The following PAM variants were observed in gnomAD, a reference collection of about 807,000 sequenced individuals.
The protein encoded by PAM is peptidyl-glycine alpha-amidating monooxygenase.
In PAM, 72 loss-of-function variants were observed where a neutral mutation model predicts 122.1. The ratio of observed to expected loss-of-function variants is 0.59; its 90% confidence interval spans 0.49 to 0.72. The LOEUF (loss-of-function observed/expected upper bound fraction) is 0.72. PAM is among the 30% of genes least tolerant of loss of function. The pLI is 0.00. For missense variants in PAM, 1,106 were observed against 1,183.7 expected (o/e 0.93, Z 0.96); for synonymous variants, 389 against 404.4 (o/e 0.96, Z 0.46).
At chr5:102,885,694 G>A (rs1366012830) in intron 3 of PAM, among the ~76,000 whole-genome samples, 1 of 151,968 alleles carries the variant, frequency 6.6e-6, no homozygotes, top group African/African-American at 2.4e-5. Context: ...TTATAGTCAA[G>A]AGCAAAAAAT....
intron 14 of PAM, among the ~76,000 whole-genome samples, chr5:102,962,469 T>A (rs1762777989): frequency 1.3e-5 from 2 of 151,882 alleles, no homozygotes; most frequent in Non-Finnish European, 2.9e-5. Flanking sequence ...CAAATGCTAT[T>A]TGAAATGTAT....
intron 1 of PAM, among the ~76,000 whole-genome samples, chr5:102,761,081 G>A (rs1752205037): frequency 6.6e-6 from 1 of 152,210 alleles, no homozygotes; most frequent in Non-Finnish European, 1.5e-5. Context: ...AGCCAGTCCA[G>A]CAGCACCTCG....
intron 1 of PAM, among the ~76,000 whole-genome samples, chr5:102,785,725 T>C (rs977042987): frequency 2.0e-5 from 3 of 152,226 alleles, no homozygotes; most frequent in Middle Eastern, 3.4e-3. Flanking sequence ...GGGGAAACCA[T>C]AAAAGTATTG....
chr5:102,980,012 A>G (rs1030378577), intron 15 of PAM, among the ~76,000 whole-genome samples: 5 of 152,074 alleles, frequency 3.3e-5, no homozygotes, highest in African/African-American at 9.7e-5. Flanking sequence ...AACAAAAACA[A>G]ATTTGTATCA....
chr5:102,758,068 ATTTTGTTTTTTTTTTTTTT>A (rs557589208), intron 1 of PAM, among the ~76,000 whole-genome samples: 32,982 of 86,958 alleles, frequency 0.38, 4,531 homozygotes, highest in Non-Finnish European at 0.45. Context: ...AAGACTTAGA[ATTTTGTTTTTTTTTTTTTT>A]TTTTTTTTTT....
At chr5:103,003,936 C>A (rs562037776) in intron 17 of PAM, among the ~76,000 whole-genome samples, 2 of 150,998 alleles carry the variant, frequency 1.3e-5, no homozygotes, top group African/African-American at 4.9e-5. Flanking sequence ...AGTCTTATTT[C>A]GAGATGGCAC....
chr5:102,976,616 T>G (rs1345293665), intron 15 of PAM, among the ~76,000 whole-genome samples: 2 of 152,192 alleles, frequency 1.3e-5, no homozygotes, highest in African/African-American at 4.8e-5. Flanking sequence ...GTGCCTAATT[T>G]ACTATAAGGA....
chr5:103,025,208 A>G lies in PAM; in HGVS notation c.2563A>G (p.Lys855Glu). 2 of 1,613,828 alleles carry G rather than the reference A, an allele frequency of 1.2e-6. No homozygotes were observed. The highest frequency in any genetic ancestry group is 4.5e-5 in the East Asian group (2 of 44,884). ...ATTGCAGAAGATGCAAGAGAAACAG[A>G]AACTGATCAAAGAGCCAGGCTCGGG... ...SELQKMQEKQ[K>E]LIKEPGSGVP... The change falls in exon 24 of 26, where the codon AAA (lysine) becomes GAA (glutamate). Residue 855 changes from lysine (K) to glutamate (E), a missense_variant. By Grantham distance (56) the Lys-to-Glu change is moderately conservative. This residue lies in a region of PAM where 333 missense variants were observed against 335.6 expected (regional missense o/e 0.99). Transcript: ENST00000438793.
intron 13 of PAM, among the ~76,000 whole-genome samples, 161 bp downstream of exon 13, chr5:102,960,220 A>G (rs1181282589): frequency 1.3e-5 from 2 of 151,864 alleles, no homozygotes; most frequent in Middle Eastern, 3.4e-3. Context: ...TTCATATCCT[A>G]TCTCCCCTCC....
chr5:102,776,226 T>G (rs1757151805), intron 1 of PAM, among the ~76,000 whole-genome samples: 1 of 152,184 alleles, frequency 6.6e-6, no homozygotes, highest in Non-Finnish European at 1.5e-5. Context: ...TTGTAGATTC[T>G]GGGTATCAAG....
chr5:102,777,925 A>T (rs568162254), intron 1 of PAM, among the ~76,000 whole-genome samples: 2 of 152,272 alleles, frequency 1.3e-5, no homozygotes, highest in East Asian at 3.9e-4. Flanking sequence ...TTCTTCTGTG[A>T]TGCTGTAAAT....
intron 1 of PAM, among the ~76,000 whole-genome samples, chr5:102,802,261 A>G (rs1272700617): frequency 1.3e-5 from 2 of 152,220 alleles, no homozygotes; most frequent in African/African-American, 2.4e-5. Flanking sequence ...GCCATCATGT[A>G]TAATTCCTTT....
chr5:102,995,132 G>A (rs188780460), intron 16 of PAM, among the ~76,000 whole-genome samples: 1 of 152,214 alleles, frequency 6.6e-6, no homozygotes, highest in African/African-American at 2.4e-5. Context: ...ATCTGCCTGG[G>A]TTATGCTTCA....
intron 1 of PAM, among the ~76,000 whole-genome samples, chr5:102,796,898 C>A (rs1763512511): frequency 6.6e-6 from 1 of 152,154 alleles, no homozygotes; most frequent in South Asian, 2.1e-4. Context: ...TAACTCAGTA[C>A]CTGGTTGTAC....
At chr5:102,783,093 T>C (rs1204241492) in intron 1 of PAM, among the ~76,000 whole-genome samples, 2 of 152,088 alleles carry the variant, frequency 1.3e-5, no homozygotes, top group Non-Finnish European at 2.9e-5. Context: ...AGTATGATCT[T>C]AGCTGGTGGC....
chr5:102,978,443 A>G (rs551731166), intron 15 of PAM, among the ~76,000 whole-genome samples: 105 of 152,306 alleles, frequency 6.9e-4, no homozygotes, highest in African/African-American at 2.5e-3. Context: ...AATCTTAGGT[A>G]TCTTTATTCT....
At chr5:102,915,160 G>T (rs78829943) in intron 5 of PAM, among the ~76,000 whole-genome samples, 3 of 152,056 alleles carry the variant, frequency 2.0e-5, no homozygotes, top group Non-Finnish European at 4.4e-5. Context: ...GAAATGACTG[G>T]TGTGCTTTGC....
At chr5:102,923,557 A>G (rs1326251164) in intron 5 of PAM, among the ~76,000 whole-genome samples, 5 of 152,232 alleles carry the variant, frequency 3.3e-5, no homozygotes. Flanking sequence ...AATGTAGCCT[A>G]ACAATGTTTG....
At chr5:102,920,043 A>G (rs546712248) in intron 5 of PAM, among the ~76,000 whole-genome samples, 1 of 152,228 alleles carries the variant, frequency 6.6e-6, no homozygotes, top group East Asian at 1.9e-4. Flanking sequence ...TGTATTTAGC[A>G]CAGATCCAGA....
Sources: gnomAD v4.1 joint callset for allele counts (sites outside exome capture counted in the v4.1 genomes callset) on GRCh38, gnomAD v4.1.1 for gene constraint, gnomAD v4.1.1 regional missense constraint, MANE v1.5 for transcripts, NCBI Gene and HGNC (gene_info 2026-07-23, HGNC 2026-07-21) for gene names.